CFAP20DC: variants seen among roughly 807,000 people sequenced by gnomAD.
The protein encoded by CFAP20DC is CFAP20 domain containing, also known as protein CFAP20DC.
In CFAP20DC, 84 loss-of-function variants were observed where a neutral mutation model predicts 101.7. The ratio of observed to expected loss-of-function variants is 0.83; its 90% CI spans 0.69 to 0.99. The LOEUF is 0.99. Ranked by LOEUF, CFAP20DC falls within the 50% of genes least tolerant of loss-of-function variation. The pLI is 0.00. For synonymous variants in CFAP20DC, 359 were observed against 351.2 expected (o/e 1.02, Z -0.25); for missense variants, 1,007 against 970.3 (o/e 1.04, Z -0.50).
At chr3:58,923,455 T>C (rs1336784779) in intron 5 of CFAP20DC, among the ~76,000 whole-genome samples, 1 of 152,196 alleles carries the variant, frequency 6.6e-6, no homozygotes, top group Non-Finnish European at 1.5e-5. Flanking sequence ...AATGTCTTTA[T>C]TTTGTCCCAA....
At chr3:58,771,046 A>G (rs563286719) in intron 15 of CFAP20DC, among the ~76,000 whole-genome samples, 44 of 152,332 alleles carry the variant, frequency 2.9e-4, no homozygotes, top group African/African-American at 1.0e-3. Flanking sequence ...TGTGGCACAT[A>G]TACACCATGG....
chr3:58,813,780 A>G (rs1027648404), intron 14 of CFAP20DC, among the ~76,000 whole-genome samples: 1 of 151,958 alleles, frequency 6.6e-6, no homozygotes, highest in Non-Finnish European at 1.5e-5. Flanking sequence ...ATTTAAATGT[A>G]CTCAGATACT....
intron 15 of CFAP20DC, among the ~76,000 whole-genome samples, chr3:58,775,548 G>C (rs1378719714): frequency 6.6e-6 from 1 of 152,140 alleles, no homozygotes; most frequent in Non-Finnish European, 1.5e-5. Flanking sequence ...AAGAATTCAA[G>C]TTGATCTTAA....
At chr3:59,033,879 A>G (rs1305012413) in intron 4 of CFAP20DC, among the ~76,000 whole-genome samples, 1 of 152,188 alleles carries the variant, frequency 6.6e-6, no homozygotes, top group Non-Finnish European at 1.5e-5. Flanking sequence ...GAGAAGAGCA[A>G]CCCCAAGACA....
rs143725290 is a variant in CFAP20DC at position 58,993,045 on chromosome 3, G to A, written c.278+46512C>T. ...TTAAATCAGATCCGGAGCTACAAAG[G>A]AGAAAAACGTGGGGAGTACTTTTCC... On this transcript the variant is annotated intron_variant, in intron 4 of 16. Transcript: ENST00000482387. Among the ~76,000 whole-genome samples the A allele has an allele frequency of 4.8e-4, 73 of 152,208 alleles. 1 individual carries two copies. Among genetic ancestry groups the A allele is most frequent in the African/African-American group, 1.7e-3 (72 of 41,520 alleles).
chr3:58,967,484 A>G (rs1476858434), intron 4 of CFAP20DC, among the ~76,000 whole-genome samples: 1 of 152,208 alleles, frequency 6.6e-6, no homozygotes, highest in Non-Finnish European at 1.5e-5. Flanking sequence ...TGGCCAAAGC[A>G]CAAGCAATAA....
At chr3:59,025,984 G>A (rs2093885537) in intron 4 of CFAP20DC, among the ~76,000 whole-genome samples, 1 of 152,022 alleles carries the variant, frequency 6.6e-6, no homozygotes, top group African/African-American at 2.4e-5. Context: ...TAAAGGATAT[G>A]CAGCTGATTT....
chr3:58,740,330 C>G (rs1177875370), downstream of CFAP20DC, among the ~76,000 whole-genome samples: 2 of 152,154 alleles, frequency 1.3e-5, no homozygotes, highest in Admixed American at 1.3e-4. The surrounding 1 kb of genome is among the most constrained non-coding windows in gnomAD (Gnocchi z 4.6). Flanking sequence ...GTATCTCATT[C>G]CCATTCCATG....
At chr3:59,042,126 T>C (rs1352695587) in intron 3 of CFAP20DC, among the ~76,000 whole-genome samples, 1 of 151,984 alleles carries the variant, frequency 6.6e-6, no homozygotes, top group African/African-American at 2.4e-5. Flanking sequence ...CTGGGATGAA[T>C]ACACAGGAAT....
At position 58,728,468 on chromosome 3, in the gene CFAP20DC, G is replaced by A. The variant is rs1244798158; in HGVS notation, c.198-10840C>T. 6.6e-6 allele frequency among the ~76,000 whole-genome samples: 1 copy of A among 152,220 alleles called. No homozygotes were observed. Among genetic ancestry groups the A allele is most frequent in the African/African-American group, 2.4e-5 (1 of 41,458 alleles). On this transcript the variant is annotated intron_variant, in intron 3 of 3. Transcript: ENST00000486145. This position sits in a 1 kb window ranked among gnomAD's most constrained non-coding sequence, Gnocchi z 4.7. ...TACGTGATTTGTAAAAACTTCACAT[G>A]GCTGCAAGAGAAGATATTCTTTCAG...
intron 1 of CFAP20DC, 143 bp downstream of exon 1, chr3:59,049,468 G>A (rs1700137226): frequency 2.4e-6 from 2 of 834,806 alleles, no homozygotes; most frequent in South Asian, 1.4e-5. Context: ...TGGGTCAACA[G>A]CATTCACCCA....
intron 15 of CFAP20DC, among the ~76,000 whole-genome samples, chr3:58,764,392 G>C (rs1194113239): frequency 1.3e-5 from 2 of 152,284 alleles, no homozygotes; most frequent in South Asian, 4.1e-4. Context: ...GAAAAGCGCA[G>C]TATTAGGGTG....
rs372937561 is a variant in CFAP20DC, at chr3:58,833,533, C to T, written c.1972-1644G>A. Among the ~76,000 whole-genome samples, 42 of 152,258 alleles carry T rather than the reference C, an allele frequency of 2.8e-4. 1 individual carries two copies. The East Asian group carries it at 6.9e-3, about 25-fold the overall frequency. On this transcript the variant is annotated intron_variant, in intron 13 of 16. Coordinates refer to ENST00000482387, the MANE Select transcript of CFAP20DC (RefSeq NM_001394063.1). ...TCAAAACCACAATGAGATACCTTCA[C>T]ACCCATTAGGATGGTTACAATAAAA... is the stretch of plus-strand genomic sequence containing the variant.
chr3:59,004,816 T>C (rs2093397663), intron 4 of CFAP20DC, among the ~76,000 whole-genome samples: 1 of 152,192 alleles, frequency 6.6e-6, no homozygotes, highest in Non-Finnish European at 1.5e-5. Context: ...TAGTCCTGTG[T>C]AAACTTGTGA....
chr3:58,784,709 T>C (rs2072161453), intron 15 of CFAP20DC, among the ~76,000 whole-genome samples: 1 of 152,126 alleles, frequency 6.6e-6, no homozygotes, highest in African/African-American at 2.4e-5. Flanking sequence ...GGTCAAATGG[T>C]AGTTCTGTTT....
intron 12 of CFAP20DC, among the ~76,000 whole-genome samples, chr3:58,852,162 T>A (rs1321942907): frequency 6.6e-6 from 1 of 152,142 alleles, no homozygotes; most frequent in Non-Finnish European, 1.5e-5. Flanking sequence ...AGGATCATAG[T>A]GGTAAAGCCA....
In CFAP20DC at chr3:58,913,584, G is replaced by A. The variant is rs1027649538; in HGVS notation, c.550+124C>T. On this transcript the variant is annotated intron_variant, in intron 6 of 16. Transcript: ENST00000482387. This position sits in a 1 kb window ranked among gnomAD's most constrained non-coding sequence, Gnocchi z 4.4. Reference sequence around the variant, plus strand: ...GAACAAAGAAATCAGCATGACTGTTGACAAATTTACTTTAGCAGACATAAC... The same window carrying A: ...GAACAAAGAAATCAGCATGACTGTTAACAAATTTACTTTAGCAGACATAAC... 6 of 935,072 alleles carry A rather than the reference G, an allele frequency of 6.4e-6. No individual in the cohort carries two copies. The highest frequency in any genetic ancestry group is 6.9e-6 in the Non-Finnish European group (4 of 582,686). 57.9% of individuals were successfully genotyped at this position (935,072 alleles called of 1,614,324 possible). A position where few individuals can be genotyped will look rare whatever the true frequency, so the allele number is the denominator to read the frequency against.
intron 13 of CFAP20DC, among the ~76,000 whole-genome samples, chr3:58,841,430 A>C (rs2077099075): frequency 6.6e-6 from 1 of 152,232 alleles, no homozygotes; most frequent in Non-Finnish European, 1.5e-5. Flanking sequence ...AATAATTTAC[A>C]AATTCATTTT....
chr3:58,852,092 TG>T (rs979655684), intron 12 of CFAP20DC, among the ~76,000 whole-genome samples: 7 of 152,226 alleles, frequency 4.6e-5, no homozygotes, highest in African/African-American at 1.7e-4. Context: ...GGTCCACTTT[TG>T]CTTTGACTGG....
Sources: gnomAD v4.1 joint callset for allele counts (sites outside exome capture counted in the v4.1 genomes callset) on GRCh38, gnomAD v4.1.1 for gene constraint, Gnocchi (gnomAD v3.1) non-coding constraint, MANE v1.5 for transcripts, NCBI Gene and HGNC (gene_info 2026-07-23, HGNC 2026-07-21) for gene names.